Variants in SLC25A26 observed in about 807,000 individuals in gnomAD.
SLC25A26 encodes solute carrier family 25 member 26.
A neutral mutation model predicts 37.8 loss-of-function variants in SLC25A26; 36 were observed. The ratio of observed to expected loss-of-function variants is 0.95; its 90% CI spans 0.73 to 1.26. SLC25A26 has a LOEUF of 1.26. Among genes scored for constraint, SLC25A26 ranks in the 50% most tolerant of loss-of-function variants. The probability of loss-of-function intolerance (pLI) is 0.00; values close to 1 mark genes in which losing one functional copy is unlikely to be tolerated. For missense variants in SLC25A26, 390 were observed against 331.1 expected, an observed-to-expected ratio of 1.18 and a Z score of -1.38; for synonymous variants, 129 against 122.5, an observed-to-expected ratio of 1.05 and a Z score of -0.35.
intron 1 of SLC25A26, among the ~76,000 whole-genome samples, chr3:66,173,661 T>G (rs2070532334): frequency 6.6e-6 from 1 of 152,230 alleles, no homozygotes; most frequent in Non-Finnish European, 1.5e-5. Context: ...AGAACATAAT[T>G]GCCTTTGGTT....
chr3:66,246,372 A>G (rs1576704030), intron 3 of SLC25A26, among the ~76,000 whole-genome samples: 1 of 152,210 alleles, frequency 6.6e-6, no homozygotes, highest in African/African-American at 2.4e-5. Flanking sequence ...TCAGTCCAAA[A>G]AAATAGAAAG....
At chr3:66,295,649 C>T (rs1224963197) in intron 5 of SLC25A26, among the ~76,000 whole-genome samples, 1 of 151,766 alleles carries the variant, frequency 6.6e-6, no homozygotes, top group Non-Finnish European at 1.5e-5. Flanking sequence ...GATCCGCCCA[C>T]CTCGGCCTCC....
chr3:66,301,791 G>T (rs1199810592), intron 5 of SLC25A26, among the ~76,000 whole-genome samples: 27 of 152,112 alleles, frequency 1.8e-4, no homozygotes, highest in Admixed American at 1.8e-3. Context: ...GAATTGTGAC[G>T]GGGGTAATTA....
At chr3:66,141,736 A>C (rs1317385001) in intron 1 of SLC25A26, among the ~76,000 whole-genome samples, 2 of 151,970 alleles carry the variant, frequency 1.3e-5, no homozygotes, top group East Asian at 3.9e-4. Context: ...CTGGTTTCGA[A>C]CTCCCGACCT....
chr3:66,271,433 C>G (rs990905014), intron 5 of SLC25A26, among the ~76,000 whole-genome samples: 4 of 152,136 alleles, frequency 2.6e-5, no homozygotes, highest in Non-Finnish European at 5.9e-5. Context: ...AATGGCTGTT[C>G]TGCTTTCAGG....
intron 1 of SLC25A26, among the ~76,000 whole-genome samples, chr3:66,151,476 G>C (rs1352075280): frequency 1.3e-5 from 2 of 152,164 alleles, no homozygotes; most frequent in Non-Finnish European, 2.9e-5. Context: ...TTAGTTTGCG[G>C]TTCAAGGGAA....
intron 1 of SLC25A26, among the ~76,000 whole-genome samples, chr3:66,235,403 A>G (rs1451674560): frequency 1.3e-5 from 2 of 152,238 alleles, no homozygotes; most frequent in East Asian, 1.9e-4. Flanking sequence ...GCAACATGGT[A>G]TCTCTTGGGA....
intron 5 of SLC25A26, among the ~76,000 whole-genome samples, chr3:66,287,071 C>A (rs2074538009): frequency 6.6e-6 from 1 of 152,208 alleles, no homozygotes; most frequent in Non-Finnish European, 1.5e-5. Flanking sequence ...CTGAGGTGGG[C>A]AGATCACGAG....
chr3:66,242,760 C>G (rs537655761), intron 2 of SLC25A26, among the ~76,000 whole-genome samples: 2 of 152,184 alleles, frequency 1.3e-5, no homozygotes, highest in African/African-American at 4.8e-5. Context: ...TTTTGAGTAA[C>G]CAGTAATAAA....
chr3:66,375,948 G>T (rs915051049), intron 9 of SLC25A26, among the ~76,000 whole-genome samples: 1 of 151,560 alleles, frequency 6.6e-6, no homozygotes, highest in South Asian at 2.1e-4. Context: ...CTAGATACCA[G>T]TAAGAACATT....
At chr3:66,298,192 C>G (rs764123356) in intron 5 of SLC25A26, among the ~76,000 whole-genome samples, 5 of 152,050 alleles carry the variant, frequency 3.3e-5, no homozygotes, top group Non-Finnish European at 4.4e-5. Context: ...CTAGGTGATA[C>G]AAAGTTCAGT....
At chr3:66,168,179 G>A (rs373271721) in intron 1 of SLC25A26, among the ~76,000 whole-genome samples, 62 of 33,660 alleles carry the variant, frequency 1.8e-3, no homozygotes, top group African/African-American at 0.011. Flanking sequence ...ATATATATGT[G>A]TGTGTGTATA....
intron 1 of SLC25A26, among the ~76,000 whole-genome samples, chr3:66,224,909 A>G (rs551093741): frequency 5.9e-5 from 9 of 152,206 alleles, no homozygotes; most frequent in Admixed American, 2.0e-4. Context: ...TCACATCTTA[A>G]AGCTCTGAAA....
intron 5 of SLC25A26, among the ~76,000 whole-genome samples, chr3:66,334,671 C>G (rs1175099231): frequency 6.6e-6 from 1 of 151,960 alleles, no homozygotes; most frequent in African/African-American, 2.4e-5. Context: ...TTGCTTCTGC[C>G]TTTTGACTTG....
chr3:66,289,571 A>G (rs2074634116), intron 5 of SLC25A26, among the ~76,000 whole-genome samples: 1 of 152,188 alleles, frequency 6.6e-6, no homozygotes, highest in African/African-American at 2.4e-5. Flanking sequence ...ACCATTTACT[A>G]AGTAGGGAAT....
chr3:66,361,947 C>T (rs1279319542), intron 6 of SLC25A26, among the ~76,000 whole-genome samples: 1 of 151,952 alleles, frequency 6.6e-6, no homozygotes, highest in Non-Finnish European at 1.5e-5. Flanking sequence ...AGCACTCCAG[C>T]CTGGGTGACA....
intron 9 of SLC25A26, among the ~76,000 whole-genome samples, chr3:66,375,247 G>A (rs1700579383): frequency 6.6e-6 from 1 of 152,196 alleles, no homozygotes; most frequent in Non-Finnish European, 1.5e-5. Context: ...GAAGTTTAAG[G>A]AAAGAAGTCA....
At chr3:66,249,273 T>C (rs34404567) in intron 3 of SLC25A26, among the ~76,000 whole-genome samples, 33,289 of 152,170 alleles carry the variant, frequency 0.22, 3,993 homozygotes, top group Admixed American at 0.28. Context: ...GCAGCTTGTT[T>C]TATGGTTTAG....
chr3:66,253,361 C>G (rs2073170221), intron 3 of SLC25A26, among the ~76,000 whole-genome samples: 1 of 149,750 alleles, frequency 6.7e-6, no homozygotes, highest in Non-Finnish European at 1.5e-5. Context: ...CAGATCGCGC[C>G]ACTGCACTCC....
Sources: allele counts gnomAD v4.1 joint callset (sites outside exome capture counted in the v4.1 genomes callset), GRCh38; gene constraint gnomAD v4.1.1; transcripts MANE v1.5; gene names NCBI Gene and HGNC (gene_info 2026-07-23, HGNC 2026-07-21).